The following ZNF618 variants were observed in gnomAD, a reference collection of about 807,000 sequenced individuals.
ZNF618 encodes neural precursor cell expressed, developmentally down-regulated 10.
A neutral mutation model predicts 103.0 loss-of-function variants in ZNF618; 34 were observed. The ratio of observed to expected loss-of-function variants is 0.33; its 90% CI spans 0.25 to 0.44. The LOEUF (loss-of-function observed/expected upper bound fraction) is 0.44. ZNF618 is among the 20% of genes least tolerant of loss of function. The pLI is 1.00. For missense variants in ZNF618, 1,059 were observed against 1,295.4 expected (o/e 0.82, Z 2.80); for synonymous variants, 551 against 542.2 (o/e 1.02, Z -0.23).
intron 13 of ZNF618, among the ~76,000 whole-genome samples, chr9:114,039,038 T>A (rs1293269322): frequency 1.3e-5 from 2 of 152,188 alleles, no homozygotes; most frequent in African/African-American, 4.8e-5. Context: ...GTTAAGTAAC[T>A]TGTCCAAGGC....
chr9:113,916,492 G>A (rs1262746639), intron 1 of ZNF618, among the ~76,000 whole-genome samples: 3 of 152,194 alleles, frequency 2.0e-5, no homozygotes, highest in African/African-American at 4.8e-5. Context: ...TTGTTCTGTT[G>A]TAGAGGTAAG....
rs1843755435 is a variant in ZNF618, at chr9:114,028,951, C to G, written c.1063C>G (p.Pro355Ala). The stretch of plus-strand genomic sequence containing the variant: ...GTTCCGCACTCCAAATTCGGGATCT[C>G]CGGCGAGCAAGGCAACCGCAGGTAC... Reference protein sequence around the residue: ...QTFRTPNSGSPASKATAAESA... With the variant: ...QTFRTPNSGSAASKATAAESA... Residue 355 changes from proline (P) to alanine (A), a missense_variant, in exon 11 of 15, where the codon CCG (proline) becomes GCG (alanine). Physicochemically the swap from Pro to Ala is conservative, Grantham distance 27 (BLOSUM62 -1). This residue lies in a region of ZNF618 where 434 missense variants were observed against 476.0 expected (regional missense o/e 0.91). Coordinates refer to ENST00000374126, the MANE Select transcript of ZNF618 (RefSeq NM_001318042.2). The G allele has an allele frequency of 1.9e-6, 3 of 1,550,692 alleles. No homozygotes were observed. In the East Asian group the frequency reaches 7.3e-5, roughly 38 times the overall value.
Position 113,876,335 on chromosome 9 carries a change from C to G in ZNF618, c.-46C>G, listed in dbSNP as rs1308361459. On this transcript the variant is annotated 5_prime_UTR_variant, in exon 1 of 15. Transcript: ENST00000374126. ...TTGTGCGCGCACCAGCAGCCCGGCC[C>G]GGGAGGAGCAGGACGCGCCGGGGCC... is the stretch of plus-strand genomic sequence containing the variant. The G allele has an allele frequency of 1.0e-5, 12 of 1,163,532 alleles. No individual in the cohort carries two copies. Among genetic ancestry groups the G allele is most frequent in the Middle Eastern group, 3.5e-4 (1 of 2,842 alleles). 72.1% of individuals were successfully genotyped at this position (1,163,532 alleles called of 1,614,324 possible). A position where few individuals can be genotyped will look rare whatever the true frequency, so the allele number is the denominator to read the frequency against.
At chr9:113,965,673 T>A (rs1837330828) in intron 1 of ZNF618, among the ~76,000 whole-genome samples, 1 of 152,162 alleles carries the variant, frequency 6.6e-6, no homozygotes, top group African/African-American at 2.4e-5. Context: ...CCCCATTTTT[T>A]ACCTATGGAG....
intron 3 of ZNF618, among the ~76,000 whole-genome samples, chr9:113,992,213 G>A (rs899238574): frequency 6.6e-6 from 1 of 152,162 alleles, no homozygotes; most frequent in African/African-American, 2.4e-5. Flanking sequence ...TGCCCTGGAT[G>A]TAGAAGTGGG....
chr9:113,989,881 C>A (rs910728914), intron 3 of ZNF618, among the ~76,000 whole-genome samples: 1 of 152,210 alleles, frequency 6.6e-6, no homozygotes, highest in Non-Finnish European at 1.5e-5. Context: ...AGCTTGCCTG[C>A]CCCCTGCCCT....
chr9:113,915,433 G>T (rs1588028639), intron 1 of ZNF618, among the ~76,000 whole-genome samples: 1 of 152,136 alleles, frequency 6.6e-6, no homozygotes. Flanking sequence ...TGGAGGAACT[G>T]GGGGGAGACT....
chr9:113,930,809 C>A (rs939720502), intron 1 of ZNF618, among the ~76,000 whole-genome samples: 1 of 152,186 alleles, frequency 6.6e-6, no homozygotes, highest in Non-Finnish European at 1.5e-5. Flanking sequence ...TGGTATTGAA[C>A]TGTCACTTTT....
chr9:113,930,317 G>A (rs147794719), intron 1 of ZNF618, among the ~76,000 whole-genome samples: 2 of 152,198 alleles, frequency 1.3e-5, no homozygotes, highest in Non-Finnish European at 1.5e-5. Context: ...AAACTTTCAT[G>A]TTGGGTTTAT....
chr9:114,025,181 G>A (rs749939318), intron 10 of ZNF618, among the ~76,000 whole-genome samples: 27 of 152,202 alleles, frequency 1.8e-4, no homozygotes, highest in Non-Finnish European at 3.4e-4. Flanking sequence ...TCACGAGGAG[G>A]GGTTCCCAGG....
intron 4 of ZNF618, among the ~76,000 whole-genome samples, chr9:113,999,284 T>C (rs1247519154): frequency 7.4e-6 from 1 of 135,180 alleles, no homozygotes. Flanking sequence ...GGGCCCTGGG[T>C]TTTAGGCTGA....
intron 1 of ZNF618, among the ~76,000 whole-genome samples, chr9:113,884,782 G>C (rs866869503): frequency 0.04 from 5,396 of 136,040 alleles, 271 homozygotes; most frequent in African/African-American, 0.14. Context: ...CACAGAGAGA[G>C]AGAGAGAGAG....
chr9:113,879,394 T>TC (rs1369654485), intron 1 of ZNF618, among the ~76,000 whole-genome samples: 5 of 141,850 alleles, frequency 3.5e-5, no homozygotes, highest in African/African-American at 1.4e-4. Context: ...TTTTTTTTTT[T>TC]CTGTTTTTTT....
At position 113,884,774 on chromosome 9, in the gene ZNF618, C is replaced by CACACAG. The variant is rs1205428615; in HGVS notation, c.33+8362_33+8363insCACAGA. On this transcript the variant is annotated intron_variant, in intron 1 of 14. Transcript: ENST00000374126. ...CCTTCCTTATCGAGACACAAACACACAGAGAGAGAGAGAGAGAGAGAGAGA... is the reference window on the plus strand; with the variant it reads ...CCTTCCTTATCGAGACACAAACACACACACAGAGAGAGAGAGAGAGAGAGAGAGAGA... 6.3e-5 allele frequency among the ~76,000 whole-genome samples: 9 copies of CACACAG among 142,290 alleles called. No homozygotes were observed. In the East Asian group the frequency reaches 6.3e-4, roughly 10 times the overall value. 93.3% of individuals were successfully genotyped at this position (142,290 alleles called of 152,430 possible). A position where few individuals can be genotyped will look rare whatever the true frequency, so the allele number is the denominator to read the frequency against.
rs1005774816 is a variant in ZNF618, at chr9:113,899,138, T to G, written c.33+22725T>G. Among the ~76,000 whole-genome samples the G allele has an allele frequency of 3.4e-5, 5 of 146,156 alleles. No homozygotes were observed. The East Asian group carries it at 8.0e-4, about 23-fold the overall frequency. On this transcript the variant is annotated intron_variant, in intron 1 of 14. Coordinates refer to ENST00000374126, the MANE Select transcript of ZNF618 (RefSeq NM_001318042.2). ...AGATTTTAAGACCTTTTTTCCCTAG[T>G]TTTTTTTTTTGTAAAGTACACATAT...
intron 1 of ZNF618, among the ~76,000 whole-genome samples, chr9:113,915,849 A>G (rs956099485): frequency 3.3e-5 from 5 of 152,164 alleles, no homozygotes; most frequent in Non-Finnish European, 7.4e-5. Context: ...GAAATGAATA[A>G]TCCCCATGAG....
At chr9:114,043,683 C>T (rs567762803) in intron 13 of ZNF618, among the ~76,000 whole-genome samples, 2 of 152,282 alleles carry the variant, frequency 1.3e-5, no homozygotes, top group East Asian at 3.9e-4. Context: ...AAAAGTATTC[C>T]CTTTCCACCA....
intron 8 of ZNF618, 29 bp downstream of exon 8, chr9:114,008,408 C>A (rs770572710): frequency 6.2e-7 from 1 of 1,613,876 alleles, no homozygotes; most frequent in African/African-American, 1.3e-5. Context: ...CTTGTCACCT[C>A]CCCTGTCCCC....
At chr9:114,045,009 A>G (rs1845531971) in intron 13 of ZNF618, among the ~76,000 whole-genome samples, 1 of 151,952 alleles carries the variant, frequency 6.6e-6, no homozygotes, top group Non-Finnish European at 1.5e-5. Context: ...TAGGTATATA[A>G]TCATATCATC....
Sources: gnomAD v4.1 joint callset for allele counts (sites outside exome capture counted in the v4.1 genomes callset) on GRCh38, gnomAD v4.1.1 for gene constraint, gnomAD v4.1.1 regional missense constraint, MANE v1.5 for transcripts, NCBI Gene and HGNC (gene_info 2026-07-23, HGNC 2026-07-21) for gene names.